NLE1: variants seen among roughly 807,000 people sequenced by gnomAD.
The protein encoded by NLE1 is notchless homolog 1, also known as notchless protein homolog 1.
A neutral mutation model predicts 62.8 loss-of-function variants in NLE1; 37 were observed. The observed-to-expected ratio is 0.59, with a 90% confidence interval of 0.45 to 0.78. The LOEUF is 0.78. Ranked by LOEUF, NLE1 falls within the 30% of genes least tolerant of loss-of-function variation. The pLI is 0.00. For missense variants in NLE1, 555 were observed against 637.9 expected (o/e 0.87, Z 1.40); for synonymous variants, 243 against 253.0 (o/e 0.96, Z 0.37).
chr17:35,139,421 G>C, intron 3 of NLE1, 107 bp from the exon 4 acceptor site: 1 of 911,366 alleles, frequency 1.1e-6, no homozygotes, highest in South Asian at 1.4e-5. Flanking sequence ...CTCGCCCCTG[G>C]AAGGGAGAAA....
chr17:35,140,653 A>C lies in NLE1; in HGVS notation c.163-587T>G, dbSNP rs182147401. 4.2e-3 allele frequency among the ~76,000 whole-genome samples: 627 copies of C among 148,636 alleles called. 5 individuals are homozygous for C. The highest frequency in any genetic ancestry group is 0.014 in the African/African-American group (569 of 40,428). On this transcript the variant is annotated intron_variant, in intron 2 of 12. Coordinates refer to ENST00000442241, the MANE Select transcript of NLE1 (RefSeq NM_018096.5). Reference sequence around the variant, plus strand: ...TTACTCAGGCTGGAGTGCAGTGGTGAGATCTCAGCTCACTGCAACCTCTGC... The same window carrying C: ...TTACTCAGGCTGGAGTGCAGTGGTGCGATCTCAGCTCACTGCAACCTCTGC...
chr17:35,135,847 T>C (rs2091905302), intron 9 of NLE1, among the ~76,000 whole-genome samples: 1 of 151,170 alleles, frequency 6.6e-6, no homozygotes, highest in Non-Finnish European at 1.5e-5. Context: ...GATGCTACAA[T>C]AGAGACGGGA....
At position 35,130,601 on chromosome 17, in the gene NLE1, C is replaced by T; in HGVS notation, c.*1836G>A. The stretch of plus-strand genomic sequence containing the variant: ...GCTGGGGCCAAGGCTACATAGGGGC[C>T]CCATTCACCTGGAGGCATCTCAGGC... On this transcript the variant is annotated 3_prime_UTR_variant, in exon 13 of 13. Coordinates refer to ENST00000442241, the MANE Select transcript of NLE1 (RefSeq NM_018096.5). 2 of 688,224 alleles carry T rather than the reference C, an allele frequency of 2.9e-6. No individual in the cohort carries two copies. The highest frequency in any genetic ancestry group is 2.4e-6 in the Non-Finnish European group (1 of 421,230). The allele number at this position is 688,224 out of a possible 1,614,324, so 42.6% of individuals were successfully genotyped here.
chr17:35,132,420 G>A lies in NLE1; in HGVS notation c.*17C>T, dbSNP rs774189506. The A allele has an allele frequency of 2.8e-6, 4 of 1,444,704 alleles. No homozygotes were observed. The highest frequency in any genetic ancestry group is 3.6e-6 in the Non-Finnish European group (4 of 1,096,418). 89.5% of individuals were successfully genotyped at this position (1,444,704 alleles called of 1,614,324 possible). A position where few individuals can be genotyped will look rare whatever the true frequency, so the allele number is the denominator to read the frequency against. On this transcript the variant is annotated 3_prime_UTR_variant, in exon 13 of 13. Transcript: ENST00000442241. ...AGGCCGAGTCGAGGTGGGGGTCAGAGAGAACTTCGGGCCGTCTCATCTCCT... is the reference window on the plus strand; with the variant it reads ...AGGCCGAGTCGAGGTGGGGGTCAGAAAGAACTTCGGGCCGTCTCATCTCCT...
Position 35,131,442 on chromosome 17 carries a change from A to G in NLE1, c.*995T>C, listed in dbSNP as rs1280706791. The G allele has an allele frequency of 6.6e-6, 1 of 152,278 alleles. No individual in the cohort carries two copies. Among genetic ancestry groups the G allele is most frequent in the Non-Finnish European group, 1.5e-5 (1 of 68,070 alleles). The allele number at this position is 152,278 out of a possible 1,614,324, so 9.4% of individuals were successfully genotyped here. ...CTTAGCATGGGATGCAGGAGAAAGC[A>G]GAGGCAGGGTACATTCAGGGCAAGA... is the stretch of plus-strand genomic sequence containing the variant. On this transcript the variant is annotated 3_prime_UTR_variant, in exon 13 of 13. Coordinates refer to ENST00000442241, the MANE Select transcript of NLE1 (RefSeq NM_018096.5).
At position 35,135,110 on chromosome 17, in the gene NLE1, G is replaced by A. The variant is rs1937650689; in HGVS notation, c.1214+139C>T. ...CCTTGTAACAAAGCTGAGAGGTAGG[G>A]GGTCTGCATATTACCAAAGAGGAAA... On this transcript the variant is annotated intron_variant, in intron 10 of 12. Transcript: ENST00000442241. 6.5e-6 allele frequency: 5 copies of A among 768,350 alleles called. No homozygotes were observed. The East Asian group carries it at 1.3e-4, about 20-fold the overall frequency. The allele number at this position is 768,350 out of a possible 1,614,324, so 47.6% of individuals were successfully genotyped here.
chr17:35,129,795 A>T lies in NLE1; in HGVS notation c.*2642T>A. ...TTTCCTTCTGCCTGGGTCAAGAAGC[A>T]TCAATTCCAGAATGCATGCTTCTGG... On this transcript the variant is annotated 3_prime_UTR_variant, in exon 13 of 13. Transcript: ENST00000442241. 1 of 1,451,354 alleles carries T rather than the reference A, an allele frequency of 6.9e-7. No individual in the cohort carries two copies. Among genetic ancestry groups the T allele is most frequent in the Non-Finnish European group, 9.0e-7 (1 of 1,105,608 alleles). 89.9% of individuals were successfully genotyped at this position (1,451,354 alleles called of 1,614,324 possible).
Position 35,131,213 on chromosome 17 carries a change from G to A in NLE1, c.*1224C>T, listed in dbSNP as rs2091874312. On this transcript the variant is annotated 3_prime_UTR_variant, in exon 13 of 13. Transcript: ENST00000442241. The stretch of plus-strand genomic sequence containing the variant: ...AACAGCTGGCACCAAGGAGCTCAGT[G>A]GCTGATAGTTTTGTTCGCTTCTTAT... 6.6e-6 allele frequency: 1 copy of A among 152,238 alleles called. No homozygotes were observed. The highest frequency in any genetic ancestry group is 2.4e-5 in the African/African-American group (1 of 41,444). 9.4% of individuals were successfully genotyped at this position (152,238 alleles called of 1,614,324 possible).
chr17:35,130,505 G>A lies in NLE1; in HGVS notation c.*1932C>T. ...CCAGGCCCTCAGAAACCAGAGCCAT[G>A]AGACCTACCATACCACCAGCACCCT... On this transcript the variant is annotated 3_prime_UTR_variant, in exon 13 of 13. Transcript: ENST00000442241. The A allele has an allele frequency of 6.7e-7, 1 of 1,502,966 alleles. No individual in the cohort carries two copies. Among genetic ancestry groups the A allele is most frequent in the Admixed American group, 1.8e-5 (1 of 56,428 alleles). The allele number at this position is 1,502,966 out of a possible 1,614,324, so 93.1% of individuals were successfully genotyped here. A position where few individuals can be genotyped will look rare whatever the true frequency, so the allele number is the denominator to read the frequency against.
Position 35,137,181 on chromosome 17 carries a change from G to A in NLE1, c.648C>T (p.Cys216=), listed in dbSNP as rs141917940. 91 of 1,607,634 alleles carry A rather than the reference G, an allele frequency of 5.7e-5. 1 individual carries two copies. In the Middle Eastern group the frequency reaches 4.7e-3, roughly 83 times the overall value. ...SWEPLHANPE[C]RYVASSSKDG... Reference sequence around the variant, plus strand: ...CCTTGGAGCTGCTGGCCACATAGCGGCACTCAGGGTTCCTGGAGAGAAGGG... The same window carrying A: ...CCTTGGAGCTGCTGGCCACATAGCGACACTCAGGGTTCCTGGAGAGAAGGG... Residue 216 remains cysteine, a synonymous_variant, in exon 7 of 13, where the codon TGC becomes TGT. Transcript: ENST00000442241.
chr17:35,139,814 A>C (rs1000919481), intron 3 of NLE1, 35 bp downstream of exon 3: 28 of 1,601,204 alleles, frequency 1.7e-5, no homozygotes, highest in Non-Finnish European at 2.4e-5. Flanking sequence ...CTGCACCCCC[A>C]CATACCCCCT....
At position 35,129,688 on chromosome 17, in the gene NLE1, G is replaced by T; in HGVS notation, c.*2749C>A. 6.2e-7 allele frequency: 1 copy of T among 1,605,396 alleles called. No individual in the cohort carries two copies. Among genetic ancestry groups the T allele is most frequent in the South Asian group, 1.1e-5 (1 of 90,026 alleles). On this transcript the variant is annotated 3_prime_UTR_variant, in exon 13 of 13. Transcript: ENST00000442241. ...GCCCTGGGAAAAGAGGGGCCTTGGG[G>T]GTGGAGAGAAGTCCAAAGCCAGGGA...
intron 10 of NLE1, among the ~76,000 whole-genome samples, chr17:35,134,620 G>A (rs541142578): frequency 1.3e-5 from 2 of 152,144 alleles, no homozygotes; most frequent in South Asian, 2.1e-4. Flanking sequence ...GGCTAGTCTC[G>A]AACTCCTGAA....
At chr17:35,136,886 C>A (rs924591198) in intron 7 of NLE1, 115 bp downstream of exon 7, 20 of 1,011,770 alleles carry the variant, frequency 2.0e-5, no homozygotes, top group Non-Finnish European at 2.5e-5. Flanking sequence ...TAGACCAGGG[C>A]TCCCAGCACA....
Position 35,130,115 on chromosome 17 carries a change from C to A in NLE1, c.*2322G>T. On this transcript the variant is annotated 3_prime_UTR_variant, in exon 13 of 13. Transcript: ENST00000442241. ...ATATCCCATAATGAGGAGGTACAGG[C>A]TTGAGTCATGCATCTTTGCACCTGT... The A allele has an allele frequency of 7.0e-7, 1 of 1,438,468 alleles. No individual in the cohort carries two copies. The highest frequency in any genetic ancestry group is 9.1e-7 in the Non-Finnish European group (1 of 1,101,736). The allele number at this position is 1,438,468 out of a possible 1,614,324, so 89.1% of individuals were successfully genotyped here. A position where few individuals can be genotyped will look rare whatever the true frequency, so the allele number is the denominator to read the frequency against.
chr17:35,136,075 C>G, intron 9 of NLE1, 94 bp downstream of exon 9: 2 of 1,272,276 alleles, frequency 1.6e-6, no homozygotes, highest in Non-Finnish European at 2.2e-6. Context: ...ACATTCTGAG[C>G]TGGGTCTAGA....
chr17:35,130,693 G>T lies in NLE1; in HGVS notation c.*1744C>A, dbSNP rs537034405. On this transcript the variant is annotated 3_prime_UTR_variant, in exon 13 of 13. Coordinates refer to ENST00000442241, the MANE Select transcript of NLE1 (RefSeq NM_018096.5). ...TCCCTCCTCCTCCAAATCTGGGCTG[G>T]GTCTAGGTCCCTCATTAAAGAACTG... 6.4e-6 allele frequency: 3 copies of T among 468,722 alleles called. No individual in the cohort carries two copies. The highest frequency in any genetic ancestry group is 5.8e-5 in the African/African-American group (3 of 51,470). The allele number at this position is 468,722 out of a possible 1,614,324, so 29.0% of individuals were successfully genotyped here.
intron 12 of NLE1, among the ~76,000 whole-genome samples, chr17:35,132,826 C>T (rs1016008381): frequency 6.6e-6 from 1 of 152,262 alleles, no homozygotes; most frequent in Non-Finnish European, 1.5e-5. Flanking sequence ...AGGATTTGAA[C>T]TCAGGTCTTG....
At chr17:35,132,898 CCT>C (rs963604807) in intron 12 of NLE1, among the ~76,000 whole-genome samples, 3 of 151,478 alleles carry the variant, frequency 2.0e-5, no homozygotes, top group Non-Finnish European at 2.9e-5. Flanking sequence ...TCCTGTGGCC[CCT>C]GTTGTTCCGG....
Sources: gnomAD v4.1 joint callset for allele counts (sites outside exome capture counted in the v4.1 genomes callset) on GRCh38, gnomAD v4.1.1 for gene constraint, MANE v1.5 for transcripts, NCBI Gene and HGNC (gene_info 2026-07-23, HGNC 2026-07-21) for gene names.